Variants in L2HGDH observed in about 807,000 individuals in gnomAD.
L2HGDH encodes L-2-hydroxyglutarate dehydrogenase, mitochondrial.
In L2HGDH, 34 loss-of-function variants were observed where a neutral mutation model predicts 51.5. The ratio of observed to expected loss-of-function variants is 0.66; its 90% CI spans 0.50 to 0.88. The LOEUF is 0.88. L2HGDH is among the 40% of genes least tolerant of loss of function. The pLI, the probability that L2HGDH is intolerant of heterozygous loss-of-function variation, is 0.00. For missense variants in L2HGDH, 558 were observed against 571.9 expected (o/e 0.98, Z 0.25); for synonymous variants, 198 against 197.9 (o/e 1.00, Z -0.01).
In L2HGDH at chr14:50,243,508, A is replaced by G; in HGVS notation, c.*3550T>C. On this transcript the variant is annotated 3_prime_UTR_variant, in exon 10 of 10. Coordinates refer to ENST00000267436, the MANE Select transcript of L2HGDH (RefSeq NM_024884.3). ...TCATTAAAATATTTTAAATATTAATATACATTTCTTCTGTCAGAAATACAT... is the reference window on the plus strand; with the variant it reads ...TCATTAAAATATTTTAAATATTAATGTACATTTCTTCTGTCAGAAATACAT... 1.4e-6 allele frequency: 1 copy of G among 735,966 alleles called. No individual in the cohort carries two copies. Among genetic ancestry groups the G allele is most frequent in the Non-Finnish European group, 1.7e-6 (1 of 602,828 alleles). The allele number at this position is 735,966 out of a possible 1,614,324, so 45.6% of individuals were successfully genotyped here. A position where few individuals can be genotyped will look rare whatever the true frequency, so the allele number is the denominator to read the frequency against.
intron 4 of L2HGDH, among the ~76,000 whole-genome samples, chr14:50,288,140 C>T (rs925942931): frequency 3.3e-5 from 5 of 151,960 alleles, no homozygotes; most frequent in African/African-American, 1.2e-4. Flanking sequence ...ATCCTTTTTT[C>T]TGGGTTTTTG....
Position 50,283,911 on chromosome 14 carries a change from A to G in L2HGDH, c.663T>C (p.Gly221=), listed in dbSNP as rs201951588. The change falls in exon 5 of 10, where the codon GGT becomes GGC. Residue 221 remains glycine (G), a synonymous_variant. Coordinates refer to ENST00000267436, the MANE Select transcript of L2HGDH (RefSeq NM_024884.3). ...GSVLTNFEVK[G]IEMAKESPSR... is the part of the protein sequence containing the mutation. ...AAGGACTTTCTTTAGCCATTTCAATACCTTTTACTTCAAAATTGGTCAAGA... is the reference window on the plus strand; with the variant it reads ...AAGGACTTTCTTTAGCCATTTCAATGCCTTTTACTTCAAAATTGGTCAAGA... 250 of 1,614,038 alleles carry G rather than the reference A, an allele frequency of 1.5e-4. No homozygotes were observed. The highest frequency in any genetic ancestry group is 3.3e-4 in the Middle Eastern group (2 of 6,062).
At chr14:50,277,305 G>A (rs1890030453) in intron 6 of L2HGDH, among the ~76,000 whole-genome samples, 1 of 151,762 alleles carries the variant, frequency 6.6e-6, no homozygotes, top group Non-Finnish European at 1.5e-5. Context: ...TCTTTATTTG[G>A]AAGCTAAATA....
At chr14:50,300,587 C>A (rs186555124) in intron 3 of L2HGDH, among the ~76,000 whole-genome samples, 1 of 152,218 alleles carries the variant, frequency 6.6e-6, no homozygotes, top group Non-Finnish European at 1.5e-5. Context: ...GCGTGAGCCA[C>A]CCTGCCCGGC....
Position 50,267,906 on chromosome 14 carries a change from G to A in L2HGDH, c.911C>T (p.Pro304Leu), listed in dbSNP as rs1267760161. The change falls in exon 8 of 10, where the codon CCA becomes CTA. Residue 304 changes from proline to leucine, a missense_variant. Pro to Leu is a moderately conservative substitution (Grantham distance 98, BLOSUM62 -3). This residue lies in a region of L2HGDH where 321 missense variants were observed against 311.8 expected (regional missense o/e 1.03). Transcript: ENST00000267436. ...TCCTAGGAAAGGAAACCGGCTATCTGGGACCTATAAATTTAACATAGTAAA... is the reference window on the plus strand; with the variant it reads ...TCCTAGGAAAGGAAACCGGCTATCTAGGACCTATAAATTTAACATAGTAAA... The part of the protein sequence containing the change: ...YLVKGNIYPV[P>L]DSRFPFLGVH... 1.9e-6 allele frequency: 3 copies of A among 1,613,634 alleles called. No homozygotes were observed. The highest frequency in any genetic ancestry group is 2.5e-6 in the Non-Finnish European group (3 of 1,179,722).
intron 9 of L2HGDH, among the ~76,000 whole-genome samples, chr14:50,260,844 G>A (rs945863516): frequency 6.6e-5 from 10 of 152,092 alleles, no homozygotes; most frequent in South Asian, 2.1e-4. Context: ...GGCTGGGCAC[G>A]GTAGCTCACA....
intron 4 of L2HGDH, among the ~76,000 whole-genome samples, chr14:50,288,065 T>G (rs1210818543): frequency 6.6e-6 from 1 of 152,152 alleles, no homozygotes; most frequent in Admixed American, 6.5e-5. Flanking sequence ...AATGATCAAA[T>G]CAGGGTAATT....
chr14:50,259,992 A>G (rs1298775200), intron 9 of L2HGDH, among the ~76,000 whole-genome samples: 1 of 149,114 alleles, frequency 6.7e-6, no homozygotes, highest in Non-Finnish European at 1.5e-5. Context: ...AGACAGAGAG[A>G]GAGAGAGAGA....
At chr14:50,303,564 G>A (rs1195486655) in intron 1 of L2HGDH, among the ~76,000 whole-genome samples, 1 of 151,470 alleles carries the variant, frequency 6.6e-6, no homozygotes, top group Non-Finnish European at 1.5e-5. Flanking sequence ...ATCACTTGAG[G>A]TTAGGAGTTC....
In L2HGDH at chr14:50,284,335, G is replaced by A. The variant is rs77814405; in HGVS notation, c.541-302C>T. ...GTCCATACTTAGTAAGAACTCAAGAGTTGTTCTAGCTACTCACAATGTTTC... is the reference window on the plus strand; with the variant it reads ...GTCCATACTTAGTAAGAACTCAAGAATTGTTCTAGCTACTCACAATGTTTC... On this transcript the variant is annotated intron_variant, in intron 4 of 9. Coordinates refer to ENST00000267436, the MANE Select transcript of L2HGDH (RefSeq NM_024884.3). Among the ~76,000 whole-genome samples, 43 of 152,340 alleles carry A rather than the reference G, an allele frequency of 2.8e-4. No homozygotes were observed. In the East Asian group the frequency reaches 7.7e-3, roughly 27 times the overall value.
chr14:50,247,374 C>T, intron 9 of L2HGDH, 121 bp from the exon 10 acceptor site: 1 of 1,469,750 alleles, frequency 6.8e-7, no homozygotes, highest in Admixed American at 2.2e-5. Flanking sequence ...ATATGGAAAC[C>T]CAATGAGTTT....
intron 1 of L2HGDH, among the ~76,000 whole-genome samples, chr14:50,306,837 T>G (rs1472645346): frequency 6.6e-6 from 1 of 151,824 alleles, no homozygotes; most frequent in Admixed American, 6.6e-5. Context: ...AATTTTGGAG[T>G]CAGGGTCTCA....
chr14:50,306,938 C>G (rs2030766350), intron 1 of L2HGDH, among the ~76,000 whole-genome samples: 1 of 152,106 alleles, frequency 6.6e-6, no homozygotes, highest in African/African-American at 2.4e-5. Flanking sequence ...GCCTCAGCCT[C>G]CCTAGTAGCT....
intron 3 of L2HGDH, among the ~76,000 whole-genome samples, chr14:50,300,507 C>T (rs1371265154): frequency 6.6e-6 from 1 of 152,004 alleles, no homozygotes; most frequent in African/African-American, 2.4e-5. Flanking sequence ...GTTGGCCAGG[C>T]TGGTCTCGAA....
chr14:50,308,493 A>G (rs1282548582), intron 1 of L2HGDH, among the ~76,000 whole-genome samples: 1 of 152,252 alleles, frequency 6.6e-6, no homozygotes, highest in African/African-American at 2.4e-5. Flanking sequence ...GTTCAACACC[A>G]TTAGTCAATG....
At chr14:50,307,632 C>CATAT (rs1289155039) in intron 1 of L2HGDH, among the ~76,000 whole-genome samples, 16 of 152,242 alleles carry the variant, frequency 1.1e-4, no homozygotes, top group African/African-American at 3.9e-4. Flanking sequence ...TGAAGCCCCA[C>CATAT]ATATACATCA....
intron 5 of L2HGDH, among the ~76,000 whole-genome samples, chr14:50,279,604 C>A (rs1309930129): frequency 6.6e-6 from 1 of 151,306 alleles, no homozygotes; most frequent in African/African-American, 2.4e-5. Context: ...TTTTGGGAGG[C>A]CAAGGTGGGC....
At chr14:50,267,158 T>C (rs1467981503) in intron 8 of L2HGDH, among the ~76,000 whole-genome samples, 2 of 132,968 alleles carry the variant, frequency 1.5e-5, no homozygotes, top group Non-Finnish European at 3.0e-5. Context: ...TATTTATTTA[T>C]TTATTTATTT....
intron 9 of L2HGDH, among the ~76,000 whole-genome samples, chr14:50,259,715 T>TC (rs1423659641): frequency 3.3e-5 from 5 of 151,544 alleles, no homozygotes; most frequent in Admixed American, 6.6e-5. Context: ...ATGCCTGTAA[T>TC]CCCAGCTACT....
Sources: allele counts gnomAD v4.1 joint callset (sites outside exome capture counted in the v4.1 genomes callset), GRCh38; gene constraint gnomAD v4.1.1; regional missense constraint gnomAD v4.1.1; transcripts MANE v1.5; gene names NCBI Gene and HGNC (gene_info 2026-07-23, HGNC 2026-07-21).